ARMC2: variants seen among roughly 807,000 people sequenced by gnomAD.
The protein encoded by ARMC2 is armadillo repeat containing 2.
In ARMC2, 67 loss-of-function variants were observed where a neutral mutation model predicts 90.3. The observed-to-expected ratio is 0.74, with a 90% confidence interval of 0.61 to 0.91. The LOEUF (loss-of-function observed/expected upper bound fraction) is 0.91. ARMC2 is among the 40% of genes least tolerant of loss of function. The pLI is 0.00. For missense variants in ARMC2, 920 were observed against 1,030.9 expected (o/e 0.89, Z 1.47); for synonymous variants, 393 against 393.0 (o/e 1.00, Z 0.00).
At chr6:109,017,504 C>G in the ARMC2 span, among the ~76,000 whole-genome samples, 1 of 152,142 alleles carries the variant, frequency 6.6e-6, no homozygotes, top group Non-Finnish European at 1.5e-5. Context: ...CCAGGATGGT[C>G]TCGATCTCCT....
chr6:108,900,361 T>C (rs533985136), intron 7 of ARMC2, among the ~76,000 whole-genome samples: 1 of 152,268 alleles, frequency 6.6e-6, no homozygotes, highest in South Asian at 2.1e-4. Flanking sequence ...CCTGCAAGGG[T>C]AGGGAAAGCG....
intron 11 of ARMC2, among the ~76,000 whole-genome samples, chr6:108,933,490 G>A (rs1775741426): frequency 6.6e-6 from 1 of 152,086 alleles, no homozygotes; most frequent in African/African-American, 2.4e-5. Context: ...TTTTCTAGAT[G>A]TAGAATCATC....
At chr6:109,028,852 T>G in the ARMC2 span, among the ~76,000 whole-genome samples, 1 of 152,034 alleles carries the variant, frequency 6.6e-6, no homozygotes, top group African/African-American at 2.4e-5. Context: ...CCCCAAACTT[T>G]CCAATAAATC....
At chr6:109,036,038 TC>T in the ARMC2 span, among the ~76,000 whole-genome samples, 1 of 152,128 alleles carries the variant, frequency 6.6e-6, no homozygotes, top group Non-Finnish European at 1.5e-5. Flanking sequence ...CCCTCAAGAC[TC>T]CCCACCATTC....
chr6:108,997,426 G>C, the ARMC2 span, among the ~76,000 whole-genome samples: 1 of 152,084 alleles, frequency 6.6e-6, no homozygotes, highest in African/African-American at 2.4e-5. Context: ...CATGAATCTA[G>C]GCAGCTCAAA....
At chr6:109,005,684 G>C in the ARMC2 span, among the ~76,000 whole-genome samples, 1 of 151,944 alleles carries the variant, frequency 6.6e-6, no homozygotes. Context: ...AAATTTAGTG[G>C]GCATATTAAT....
intron 8 of ARMC2, among the ~76,000 whole-genome samples, chr6:108,910,014 A>G (rs1199370769): frequency 6.6e-6 from 1 of 152,066 alleles, no homozygotes; most frequent in Admixed American, 6.6e-5. Context: ...CTTCATCTCT[A>G]CTATGTGTTC....
chr6:109,036,699 G>T, the ARMC2 span, among the ~76,000 whole-genome samples: 1 of 152,082 alleles, frequency 6.6e-6, no homozygotes, highest in Non-Finnish European at 1.5e-5. Flanking sequence ...AGACAACTCT[G>T]CTTAAGCCTA....
chr6:109,044,976 T>C, the ARMC2 span, among the ~76,000 whole-genome samples: 1 of 151,900 alleles, frequency 6.6e-6, no homozygotes, highest in Non-Finnish European at 1.5e-5. Flanking sequence ...TGAGCTGAGA[T>C]TGCGCCACTG....
chr6:108,986,197 T>C, the ARMC2 span, among the ~76,000 whole-genome samples: 1 of 152,194 alleles, frequency 6.6e-6, no homozygotes, highest in African/African-American at 2.4e-5. Context: ...TAAAATTCTA[T>C]TGGAACTCTA....
intron 13 of ARMC2, among the ~76,000 whole-genome samples, chr6:108,958,192 A>G (rs1325654562): frequency 1.3e-5 from 2 of 152,174 alleles, no homozygotes; most frequent in Non-Finnish European, 2.9e-5. Flanking sequence ...AAGAGACACC[A>G]GAGCCTGACC....
chr6:108,992,860 T>C, the ARMC2 span: 1 of 1,613,636 alleles, frequency 6.2e-7, no homozygotes, highest in East Asian at 2.2e-5. Context: ...ATCCTCAAAA[T>C]GACGAGATAC....
chr6:108,992,771 CA>C, the ARMC2 span: 12 of 1,493,620 alleles, frequency 8.0e-6, no homozygotes, highest in African/African-American at 4.1e-5. Flanking sequence ...CATGTGCATA[CA>C]AGTTGCAATT....
At chr6:108,940,280 T>A (rs893064527) in intron 12 of ARMC2, among the ~76,000 whole-genome samples, 1 of 152,046 alleles carries the variant, frequency 6.6e-6, no homozygotes, top group Non-Finnish European at 1.5e-5. Flanking sequence ...ATCAAGGACA[T>A]GGACACACAT....
At chr6:108,892,811 G>T (rs1771224071) in intron 5 of ARMC2, among the ~76,000 whole-genome samples, 1 of 151,700 alleles carries the variant, frequency 6.6e-6, no homozygotes, top group Non-Finnish European at 1.5e-5. Flanking sequence ...GTAAAAAATG[G>T]TATTTGGAGA....
intron 6 of ARMC2, among the ~76,000 whole-genome samples, chr6:108,894,757 A>AGT (rs1771428038): frequency 6.8e-6 from 1 of 147,066 alleles, no homozygotes; most frequent in Non-Finnish European, 1.5e-5. Flanking sequence ...TATAGATGAC[A>AGT]GTCTTTTTTT....
At chr6:108,994,643 C>A in the ARMC2 span, 1 of 1,554,664 alleles carries the variant, frequency 6.4e-7, no homozygotes, top group Non-Finnish European at 8.8e-7. Context: ...TTACATGTGG[C>A]AGACATAGAA....
intron 6 of ARMC2, 31 bp downstream of exon 6, chr6:108,894,574 G>T: frequency 6.4e-7 from 1 of 1,552,400 alleles, no homozygotes; most frequent in Non-Finnish European, 8.7e-7. Flanking sequence ...TTCATCTACA[G>T]CATCTCCACT....
the ARMC2 span, among the ~76,000 whole-genome samples, chr6:109,031,415 C>T: frequency 0.029 from 4,460 of 152,260 alleles, 113 homozygotes; most frequent in Non-Finnish European, 0.045. Flanking sequence ...TCCAGCCTCA[C>T]ACCACCACCA....
Sources: gnomAD v4.1 joint callset for allele counts (sites outside exome capture counted in the v4.1 genomes callset) on GRCh38, gnomAD v4.1.1 for gene constraint, MANE v1.5 for transcripts, NCBI Gene and HGNC (gene_info 2026-07-23, HGNC 2026-07-21) for gene names.